The following PACRG variants were observed in gnomAD, a reference collection of about 807,000 sequenced individuals.
PACRG encodes the protein parkin coregulated, also known as parkin coregulated gene protein.
PACRG carries 29 observed loss-of-function variants against 29.7 expected under a neutral mutation model. The ratio of observed to expected loss-of-function variants is 0.98; its 90% CI spans 0.73 to 1.33. The LOEUF (loss-of-function observed/expected upper bound fraction) is 1.33, where lower values mean the gene tolerates loss of function less well. PACRG is among the 40% of genes most tolerant of loss of function. PACRG has a pLI of 0.00. For missense variants in PACRG, 279 were observed against 316.2 expected (o/e 0.88, Z 0.89); for synonymous variants, 116 against 118.7 (o/e 0.98, Z 0.15).
chr6:163,231,091 C>G (rs547167550), intron 4 of PACRG, among the ~76,000 whole-genome samples: 4 of 152,312 alleles, frequency 2.6e-5, no homozygotes, highest in Admixed American at 2.6e-4. Flanking sequence ...CAGGGGCTCT[C>G]AAGATAGGAT....
rs1164586528 is a variant in PACRG, at chr6:163,269,911, AAAG to A, written c.614-44913_614-44911del. Among the ~76,000 whole-genome samples, 27 of 83,854 alleles carry A rather than the reference AAAG, an allele frequency of 3.2e-4. 4 individuals are homozygous for A. Among genetic ancestry groups the A allele is most frequent in the African/African-American group, 1.7e-3 (27 of 15,988 alleles). 55.0% of individuals were successfully genotyped at this position (83,854 alleles called of 152,430 possible). On this transcript the variant is annotated intron_variant, in intron 4 of 4. Coordinates refer to ENST00000366888, the MANE Select transcript of PACRG (RefSeq NM_001080379.2). ...AAAGAAAACAAAGAAAGAAAGAAAG[AAAG>A]AAAGAAAGAAAGAAAACAAAGAAAG...
chr6:162,727,315 A>AGGGGAGGGGCGGCGGCGGGGCGAC, upstream of PACRG: 2 of 347,816 alleles, frequency 5.8e-6, no homozygotes, highest in East Asian at 5.8e-5. Flanking sequence ...GGCGGGGCGA[A>AGGGGAGGGGCGGCGGCGGGGCGAC]GGTGAGGGGC....
intron 1 of PACRG, among the ~76,000 whole-genome samples, chr6:162,729,898 C>A (rs1779619429): frequency 6.6e-6 from 1 of 152,006 alleles, no homozygotes; most frequent in Admixed American, 6.6e-5. Context: ...GATTATGAAG[C>A]AGGCTTCTTT....
intron 2 of PACRG, among the ~76,000 whole-genome samples, chr6:162,952,345 G>A (rs181932921): frequency 6.6e-6 from 1 of 152,068 alleles, no homozygotes. Flanking sequence ...GGAACCCCTT[G>A]TTGTATATAG....
chr6:162,956,247 A>G (rs1436777569), intron 2 of PACRG, among the ~76,000 whole-genome samples: 1 of 152,212 alleles, frequency 6.6e-6, no homozygotes, highest in African/African-American at 2.4e-5. Context: ...GACCAGCCAC[A>G]GACTTGCATC....
intron 4 of PACRG, among the ~76,000 whole-genome samples, chr6:163,258,997 G>A (rs997161107): frequency 2.0e-5 from 3 of 152,182 alleles, no homozygotes; most frequent in Non-Finnish European, 4.4e-5. Context: ...ACACAAAGTT[G>A]TAGATTGTGT....
At chr6:162,781,421 T>C (rs1256409703) in intron 1 of PACRG, among the ~76,000 whole-genome samples, 3 of 151,900 alleles carry the variant, frequency 2.0e-5, no homozygotes, top group African/African-American at 7.2e-5. Flanking sequence ...GAAGAAACCC[T>C]GTGTCTACAC....
At chr6:162,910,603 G>A (rs1354237930) in intron 2 of PACRG, among the ~76,000 whole-genome samples, 1 of 151,974 alleles carries the variant, frequency 6.6e-6, no homozygotes, top group Non-Finnish European at 1.5e-5. Context: ...TATTTGTGTA[G>A]ATATTAGCAA....
At chr6:163,183,904 G>T (rs543112497) in intron 4 of PACRG, among the ~76,000 whole-genome samples, 2 of 152,250 alleles carry the variant, frequency 1.3e-5, no homozygotes, top group South Asian at 4.1e-4. Context: ...ACACTGGTTT[G>T]GTTTAAAATA....
intron 2 of PACRG, among the ~76,000 whole-genome samples, chr6:162,821,955 TAGTC>T (rs1787880478): frequency 6.6e-6 from 1 of 152,202 alleles, no homozygotes; most frequent in Non-Finnish European, 1.5e-5. Flanking sequence ...TTCCTTTGAG[TAGTC>T]AAAGTATCAT....
At chr6:163,037,438 A>T (rs1808308184) in intron 2 of PACRG, among the ~76,000 whole-genome samples, 1 of 152,096 alleles carries the variant, frequency 6.6e-6, no homozygotes, top group Admixed American at 6.5e-5. Context: ...CCATGGTTAG[A>T]ACCTGTCTTT....
At chr6:162,753,955 A>G (rs1284217811) in intron 1 of PACRG, among the ~76,000 whole-genome samples, 2 of 152,206 alleles carry the variant, frequency 1.3e-5, no homozygotes, top group African/African-American at 4.8e-5. Flanking sequence ...ATGGGAGTGC[A>G]GATATCTCTT....
chr6:163,241,245 T>C (rs1439279959), intron 4 of PACRG, among the ~76,000 whole-genome samples: 3 of 152,222 alleles, frequency 2.0e-5, no homozygotes, highest in East Asian at 1.9e-4. Flanking sequence ...TATGCTGTCA[T>C]TGGGGAAAAA....
chr6:163,172,059 A>G (rs536841599), intron 4 of PACRG, among the ~76,000 whole-genome samples: 1 of 152,246 alleles, frequency 6.6e-6, no homozygotes, highest in African/African-American at 2.4e-5. Flanking sequence ...CAAATTACAG[A>G]ACAGGCTTCC....
chr6:163,138,265 A>G (rs189857345), intron 4 of PACRG, among the ~76,000 whole-genome samples: 2 of 152,344 alleles, frequency 1.3e-5, no homozygotes, highest in East Asian at 3.9e-4. Flanking sequence ...CTTAAGAACC[A>G]GAACAACGGT....
At chr6:162,818,539 G>T (rs760995773) in intron 2 of PACRG, among the ~76,000 whole-genome samples, 15 of 152,044 alleles carry the variant, frequency 9.9e-5, no homozygotes, top group Non-Finnish European at 1.9e-4. Flanking sequence ...GTTTTGAAAC[G>T]GTCTCTTCAA....
intron 1 of PACRG, among the ~76,000 whole-genome samples, chr6:162,761,935 CAAA>C (rs60437478): frequency 9.6e-4 from 73 of 76,008 alleles, no homozygotes; most frequent in Middle Eastern, 0.015. Context: ...GACTCCATCT[CAAA>C]AAAAAAAAAA....
At chr6:163,263,307 CT>C (rs1783408502) in intron 4 of PACRG, among the ~76,000 whole-genome samples, 1 of 151,886 alleles carries the variant, frequency 6.6e-6, no homozygotes, top group Non-Finnish European at 1.5e-5. Flanking sequence ...TGACCTGCTA[CT>C]CAGGAAAGAA....
intron 4 of PACRG, among the ~76,000 whole-genome samples, chr6:163,269,910 G>GAAAGAAAGAAAGAAAGAAAAC (rs1351508560): frequency 1.4e-5 from 1 of 69,078 alleles, no homozygotes; most frequent in East Asian, 3.9e-4. Flanking sequence ...AAGAAAGAAA[G>GAAAGAAAGAAAGAAAGAAAAC]AAAGAAAGAA....
Sources: gnomAD v4.1 joint callset for allele counts (sites outside exome capture counted in the v4.1 genomes callset) on GRCh38, gnomAD v4.1.1 for gene constraint, MANE v1.5 for transcripts, NCBI Gene and HGNC (gene_info 2026-07-23, HGNC 2026-07-21) for gene names.